Variants in MGA observed in about 807,000 individuals in gnomAD.
MGA encodes the protein MAX dimerization protein MGA, also known as MAX gene-associated protein.
MGA carries 40 observed loss-of-function variants against 261.1 expected under a neutral mutation model. The observed-to-expected ratio is 0.15, with a 90% CI of 0.12 to 0.20. The LOEUF is 0.20. Among genes scored for constraint, MGA ranks in the 10% least tolerant of loss-of-function variants. MGA has a pLI of 1.00. For missense variants in MGA, 3,397 were observed against 3,630.5 expected (o/e 0.94, Z 1.65); for synonymous variants, 1,302 against 1,290.6 (o/e 1.01, Z -0.19).
At chr15:41,652,675 A>G (rs770222810) in intron 1 of MGA, among the ~76,000 whole-genome samples, 1 of 150,844 alleles carries the variant, frequency 6.6e-6, no homozygotes, top group East Asian at 2.0e-4. Context: ...GTATGTTTCT[A>G]TAGTGTTCCA....
In MGA at chr15:41,736,292, A is replaced by G; in HGVS notation, c.4028A>G (p.Asn1343Ser). The G allele has an allele frequency of 1.9e-6, 3 of 1,614,024 alleles. No individual in the cohort carries two copies. The highest frequency in any genetic ancestry group is 1.7e-6 in the Non-Finnish European group (2 of 1,179,888). The change falls in exon 13 of 24, where the codon AAC becomes AGC. Residue 1343 changes from asparagine to serine, a missense_variant. By Grantham distance (46) the Asn-to-Ser change is conservative (BLOSUM62 1). Around this residue, in one of 9 missense-constraint regions of MGA, gnomAD observed 1,410 missense variants for 1,386.4 expected, o/e 1.02. Coordinates refer to ENST00000219905, the MANE Select transcript of MGA (RefSeq NM_001164273.2). ...CTGATTGAGATCATCTCAGACTGCA[A>G]CTGGGAGGAAGATCGGAACAAGATT...
chr15:41,685,202 A>T (rs1330203957), intron 2 of MGA, among the ~76,000 whole-genome samples: 1 of 152,248 alleles, frequency 6.6e-6, no homozygotes, highest in Non-Finnish European at 1.5e-5. Flanking sequence ...GTGCTCTAGC[A>T]TCACTTATTG....
chr15:41,667,205 G>C (rs1381682349), intron 1 of MGA, among the ~76,000 whole-genome samples: 1 of 151,764 alleles, frequency 6.6e-6, no homozygotes, highest in Non-Finnish European at 1.5e-5. Flanking sequence ...TGGTCTTGTT[G>C]ATTTGTAGGA....
intron 5 of MGA, 48 bp from the exon 6 acceptor site, chr15:41,707,680 A>G (rs1567009113): frequency 2.0e-6 from 3 of 1,519,238 alleles, no homozygotes; most frequent in Admixed American, 2.1e-5. Flanking sequence ...GGGAGATAAT[A>G]TGATTTCTGA....
chr15:41,656,712 CCTTCT>C (rs536258351), upstream of MGA, among the ~76,000 whole-genome samples: 46 of 151,918 alleles, frequency 3.0e-4, no homozygotes, highest in African/African-American at 1.0e-3. Context: ...TTTCATCCTC[CCTTCT>C]CTTAACATTT....
At chr15:41,714,067 A>G (rs994492158) in intron 9 of MGA, among the ~76,000 whole-genome samples, 3 of 152,082 alleles carry the variant, frequency 2.0e-5, no homozygotes, top group Non-Finnish European at 4.4e-5. Flanking sequence ...CGTTTCTGTT[A>G]TATCTTTGTA....
intron 1 of MGA, among the ~76,000 whole-genome samples, chr15:41,661,790 C>T (rs1345237450): frequency 1.3e-5 from 2 of 152,092 alleles, no homozygotes; most frequent in Non-Finnish European, 2.9e-5. Context: ...GGGAAAGTGC[C>T]TGGGGGCGGC....
intron 19 of MGA, 37 bp from the exon 20 acceptor site, chr15:41,760,286 T>C (rs777748090): frequency 6.3e-7 from 1 of 1,596,302 alleles, no homozygotes; most frequent in East Asian, 2.2e-5. Flanking sequence ...GCCAACTACA[T>C]GTTCAAGATG....
intron 9 of MGA, among the ~76,000 whole-genome samples, chr15:41,726,643 C>T (rs1401148444): frequency 6.6e-6 from 1 of 151,798 alleles, no homozygotes; most frequent in African/African-American, 2.4e-5. Context: ...GCATGAGAAT[C>T]TCCTGAACAT....
chr15:41,642,909 C>CTT (rs753960013), intron 1 of MGA, among the ~76,000 whole-genome samples: 22 of 130,282 alleles, frequency 1.7e-4, no homozygotes, highest in Admixed American at 2.3e-4. Context: ...CATGCCTGGC[C>CTT]TTTTTTTTTT....
intron 5 of MGA, among the ~76,000 whole-genome samples, chr15:41,702,175 G>A (rs1310247806): frequency 1.3e-5 from 2 of 152,042 alleles, no homozygotes; most frequent in East Asian, 1.9e-4. Context: ...CAAAAAATTA[G>A]CCAGGTGTGG....
In MGA at chr15:41,767,930, T is replaced by C. The variant is rs2063878566; in HGVS notation, c.*650T>C. 1 of 152,534 alleles carries C rather than the reference T, an allele frequency of 6.6e-6. No individual in the cohort carries two copies. The highest frequency in any genetic ancestry group is 2.1e-4 in the South Asian group (1 of 4,832). The allele number at this position is 152,534 out of a possible 1,614,324, so 9.4% of individuals were successfully genotyped here. A position where few individuals can be genotyped will look rare whatever the true frequency, so the allele number is the denominator to read the frequency against. On this transcript the variant is annotated 3_prime_UTR_variant, in exon 24 of 24. Coordinates refer to ENST00000219905, the MANE Select transcript of MGA (RefSeq NM_001164273.2). ...GTAGGGATGCTTTTAACTTTTATTATTAATTATTTTGAGATCTTAAAAAAA... is the reference window on the plus strand; with the variant it reads ...GTAGGGATGCTTTTAACTTTTATTACTAATTATTTTGAGATCTTAAAAAAA...
At chr15:41,661,627 G>A (rs2057407629) in intron 1 of MGA, among the ~76,000 whole-genome samples, 1 of 152,138 alleles carries the variant, frequency 6.6e-6, no homozygotes. Context: ...CCCAAGGTTC[G>A]CCTCGCCGGA....
intron 17 of MGA, among the ~76,000 whole-genome samples, chr15:41,753,681 G>T: frequency 6.6e-6 from 1 of 152,070 alleles, no homozygotes; most frequent in African/African-American, 2.4e-5. Flanking sequence ...GTATGCTAAT[G>T]TGTGTTGATT....
At chr15:41,633,527 A>G (rs1215330359) in intron 1 of MGA, among the ~76,000 whole-genome samples, 1 of 152,078 alleles carries the variant, frequency 6.6e-6, no homozygotes, top group African/African-American at 2.4e-5. Flanking sequence ...AAAATAAAGC[A>G]GGGAAGAGAG....
Position 41,700,041 on chromosome 15 carries a change from G to GTTTTTTTTTTTT in MGA, c.2188+894_2188+905dup, listed in dbSNP as rs763919635. 3.0e-5 allele frequency among the ~76,000 whole-genome samples: 3 copies of GTTTTTTTTTTTT among 101,570 alleles called. 1 individual carries two copies. The highest frequency in any genetic ancestry group is 5.7e-5 in the Non-Finnish European group (3 of 52,960). The allele number at this position is 101,570 out of a possible 152,430, so 66.6% of individuals were successfully genotyped here. On this transcript the variant is annotated intron_variant, in intron 5 of 23. Transcript: ENST00000219905. ...CTGTACCTATCAACCTGTCATCGAG[G>GTTTTTTTTTTTT]TTTTTTTTTTTTTTTTTTTTTTTGA...
At chr15:41,699,659 G>A (rs1170686871) in intron 5 of MGA, among the ~76,000 whole-genome samples, 2 of 152,022 alleles carry the variant, frequency 1.3e-5, no homozygotes, top group Admixed American at 6.5e-5. Context: ...CTGCCACCGC[G>A]CCTGGCTAAT....
intron 1 of MGA, among the ~76,000 whole-genome samples, chr15:41,633,535 G>A (rs2056637612): frequency 6.6e-6 from 1 of 152,040 alleles, no homozygotes; most frequent in African/African-American, 2.4e-5. Context: ...GCAGGGAAGA[G>A]AGATGGGGAA....
intron 1 of MGA, among the ~76,000 whole-genome samples, chr15:41,666,489 T>C (rs776213698): frequency 3.9e-5 from 6 of 152,224 alleles, no homozygotes; most frequent in African/African-American, 9.6e-5. Flanking sequence ...CTATGTTCAC[T>C]GCTTGGATGA....
Sources: gnomAD v4.1 joint callset for allele counts (sites outside exome capture counted in the v4.1 genomes callset) on GRCh38, gnomAD v4.1.1 for gene constraint, gnomAD v4.1.1 regional missense constraint, MANE v1.5 for transcripts, NCBI Gene and HGNC (gene_info 2026-07-23, HGNC 2026-07-21) for gene names.